The following TENM2 variants were observed in gnomAD, a reference collection of about 807,000 sequenced individuals.
TENM2 encodes the protein teneurin-2.
In TENM2, 52 loss-of-function variants were observed where a neutral mutation model predicts 245.2. The ratio of observed to expected loss-of-function variants is 0.21; its 90% CI spans 0.17 to 0.27. TENM2 has a LOEUF of 0.27. Among genes scored for constraint, TENM2 ranks in the 10% least tolerant of loss-of-function variants. The pLI, the probability that TENM2 is intolerant of heterozygous loss-of-function variation, is 1.00. For synonymous variants in TENM2, 1,363 were observed against 1,438.9 expected (o/e 0.95, Z 1.19); for missense variants, 3,046 against 3,666.8 (o/e 0.83, Z 4.37).
intron 2 of TENM2, among the ~76,000 whole-genome samples, chr5:167,525,575 T>C (rs1258775959): frequency 6.6e-6 from 1 of 152,180 alleles, no homozygotes; most frequent in Non-Finnish European, 1.5e-5. Flanking sequence ...CATGGTTGAC[T>C]TCTCTTTATA....
In TENM2 at chr5:168,093,813, A is replaced by G. The variant is rs528802587; in HGVS notation, c.1711+3044A>G. Among the ~76,000 whole-genome samples the G allele has an allele frequency of 3.3e-5, 5 of 152,304 alleles. No individual in the cohort carries two copies. The East Asian group carries it at 9.6e-4, about 29-fold the overall frequency. On this transcript the variant is annotated intron_variant, in intron 8 of 28. Coordinates refer to ENST00000518659, the Ensembl canonical transcript of TENM2. The stretch of plus-strand genomic sequence containing the variant: ...AAAATAATATTTAACTGAGTGCTGG[A>G]GAAAGGGGATTGAAATGTGAGCTCC...
chr5:168,091,160 A>G (rs1792908818), intron 8 of TENM2, among the ~76,000 whole-genome samples: 1 of 152,232 alleles, frequency 6.6e-6, no homozygotes, highest in Non-Finnish European at 1.5e-5. Context: ...ATCTCTAAGC[A>G]TATAGTAGAG....
intron 2 of TENM2, among the ~76,000 whole-genome samples, chr5:167,685,774 G>T (rs1201501288): frequency 6.6e-6 from 1 of 152,172 alleles, no homozygotes; most frequent in Non-Finnish European, 1.5e-5. Context: ...TGTTCCTGTT[G>T]CTAACTATAG....
intron 23 of TENM2, among the ~76,000 whole-genome samples, chr5:168,222,355 A>G (rs1305303406): frequency 1.3e-5 from 2 of 152,246 alleles, no homozygotes; most frequent in Non-Finnish European, 2.9e-5. Context: ...GAGGCCCTCC[A>G]GAAGACAGAA....
intron 2 of TENM2, among the ~76,000 whole-genome samples, chr5:167,496,901 A>G (rs1470808619): frequency 6.6e-6 from 1 of 152,142 alleles, no homozygotes; most frequent in Non-Finnish European, 1.5e-5. Flanking sequence ...TAAGCACATC[A>G]GTTGCAGGTT....
intron 17 of TENM2, among the ~76,000 whole-genome samples, chr5:168,201,479 C>T (rs1313244639): frequency 1.3e-5 from 2 of 152,064 alleles, no homozygotes; most frequent in African/African-American, 4.8e-5. Context: ...CCTGTTTTTC[C>T]ATACCCCCGT....
intron 15 of TENM2, among the ~76,000 whole-genome samples, chr5:168,196,452 G>C (rs980327569): frequency 6.6e-6 from 1 of 152,004 alleles, no homozygotes; most frequent in African/African-American, 2.4e-5. Context: ...AAGCCGGTGG[G>C]GTTTTTTTGT....
At chr5:168,022,459 T>C (rs6863895) in intron 5 of TENM2, among the ~76,000 whole-genome samples, 28,882 of 152,248 alleles carry the variant, frequency 0.19, 3,497 homozygotes, top group African/African-American at 0.34. Flanking sequence ...GAGCAGGTTA[T>C]GTTTTCATTG....
At chr5:167,758,825 T>C (rs1206988811) in intron 2 of TENM2, among the ~76,000 whole-genome samples, 1 of 152,050 alleles carries the variant, frequency 6.6e-6, no homozygotes, top group African/African-American at 2.4e-5. Context: ...AACTCTCTCA[T>C]ATTGCCAGGT....
chr5:168,234,720 A>G (rs1437292904), intron 25 of TENM2, among the ~76,000 whole-genome samples: 1 of 152,188 alleles, frequency 6.6e-6, no homozygotes, highest in Non-Finnish European at 1.5e-5. Flanking sequence ...GATCTTGTGC[A>G]GGATGATTCT....
At chr5:166,991,392 G>C in the TENM2 span, among the ~76,000 whole-genome samples, 1 of 151,826 alleles carries the variant, frequency 6.6e-6, no homozygotes, top group Non-Finnish European at 1.5e-5. Context: ...TCTCTAGGGG[G>C]AAACTTTAAT....
rs796787040 is a variant in TENM2 at position 167,587,105 on chromosome 5, G to A, written c.502+211632G>A. Among the ~76,000 whole-genome samples the A allele has an allele frequency of 2.6e-5, 4 of 152,054 alleles. No homozygotes were observed. The South Asian group carries it at 8.3e-4, about 32-fold the overall frequency. ...TCTGTTGTTGTTTCCAGTGGGCAGT[G>A]AATATAATGGGGAAGGGCAGGGGTT... is the stretch of plus-strand genomic sequence containing the variant. On this transcript the variant is annotated intron_variant, in intron 2 of 28. Coordinates refer to ENST00000518659, the Ensembl canonical transcript of TENM2.
chr5:168,022,421 G>A (rs979571912), intron 5 of TENM2, among the ~76,000 whole-genome samples: 4 of 152,232 alleles, frequency 2.6e-5, no homozygotes, highest in Admixed American at 2.6e-4. Context: ...AGCCCTAACT[G>A]TCTCCCAAAT....
intron 2 of TENM2, among the ~76,000 whole-genome samples, chr5:167,750,571 G>A (rs1021435948): frequency 1.3e-5 from 2 of 152,032 alleles, no homozygotes; most frequent in African/African-American, 2.4e-5. Flanking sequence ...AATCAAGGAC[G>A]GCCAAGGGGC....
chr5:167,951,093 G>A (rs1283523750), intron 3 of TENM2, among the ~76,000 whole-genome samples: 1 of 152,178 alleles, frequency 6.6e-6, no homozygotes, highest in East Asian at 1.9e-4. Context: ...TCCAAACCTA[G>A]TATCTTCTTG....
At chr5:167,600,716 C>G (rs1481107564) in intron 2 of TENM2, among the ~76,000 whole-genome samples, 1 of 152,076 alleles carries the variant, frequency 6.6e-6, no homozygotes, top group Non-Finnish European at 1.5e-5. Context: ...TGTTTTCTGC[C>G]CAAGTAGATG....
intron 2 of TENM2, among the ~76,000 whole-genome samples, chr5:167,787,104 G>A (rs544281817): frequency 8.8e-4 from 134 of 152,304 alleles, no homozygotes; most frequent in African/African-American, 3.2e-3. Flanking sequence ...AGCATCTGCT[G>A]CTGTTCAAGG....
At chr5:167,459,965 G>T (rs944408136) in intron 2 of TENM2, among the ~76,000 whole-genome samples, 3 of 149,752 alleles carry the variant, frequency 2.0e-5, no homozygotes, top group Non-Finnish European at 3.0e-5. Flanking sequence ...ACACTCAAAC[G>T]CATATATATA....
the TENM2 span, among the ~76,000 whole-genome samples, chr5:166,981,691 C>G: frequency 1.3e-5 from 2 of 152,120 alleles, no homozygotes; most frequent in Non-Finnish European, 2.9e-5. Flanking sequence ...TCAAAATTAG[C>G]TTCAGTTTCA....
Sources: allele counts gnomAD v4.1 joint callset (sites outside exome capture counted in the v4.1 genomes callset), GRCh38; gene constraint gnomAD v4.1.1; transcripts MANE v1.5; gene names NCBI Gene and HGNC (gene_info 2026-07-23, HGNC 2026-07-21).